PEPD: variants seen among roughly 807,000 people sequenced by gnomAD.
PEPD encodes the protein peptidase D.
PEPD carries 53 observed loss-of-function variants against 60.7 expected under a neutral mutation model. That is an observed-to-expected ratio of 0.87 (90% confidence interval 0.70 to 1.10). The LOEUF (loss-of-function observed/expected upper bound fraction) is 1.10. Among genes scored for constraint, PEPD ranks in the 50% least tolerant of loss-of-function variants. The pLI, the probability that PEPD is intolerant of heterozygous loss-of-function variation, is 0.00. For synonymous variants in PEPD, 267 were observed against 284.1 expected (o/e 0.94, Z 0.60); for missense variants, 711 against 711.9 (o/e 1.00, Z 0.01).
At chr19:33,454,542 C>T (rs1257861720) in intron 9 of PEPD, among the ~76,000 whole-genome samples, 3 of 151,232 alleles carry the variant, frequency 2.0e-5, no homozygotes, top group Admixed American at 6.6e-5. Context: ...GTGGAGGTCG[C>T]AGTGAGCCGA....
intron 13 of PEPD, among the ~76,000 whole-genome samples, chr19:33,389,566 C>T (rs1240004061): frequency 6.6e-6 from 1 of 152,228 alleles, no homozygotes; most frequent in Non-Finnish European, 1.5e-5. Context: ...TGTCTCCACC[C>T]ACAGCAATCG....
At chr19:33,478,213 A>G (rs1357820845) in intron 6 of PEPD, 123 bp from the exon 7 acceptor site, 5 of 741,914 alleles carry the variant, frequency 6.7e-6, no homozygotes. Context: ...TAATTTCATG[A>G]CTTCCTGACC....
chr19:33,501,371 C>T (rs1970710659), intron 3 of PEPD, among the ~76,000 whole-genome samples: 1 of 152,146 alleles, frequency 6.6e-6, no homozygotes, highest in African/African-American at 2.4e-5. Flanking sequence ...AATCTGCCTG[C>T]CAGGTCTTCA....
intron 1 of PEPD, among the ~76,000 whole-genome samples, chr19:33,520,537 G>C (rs1331731293): frequency 6.6e-6 from 1 of 152,198 alleles, no homozygotes; most frequent in East Asian, 1.9e-4. Flanking sequence ...GTGTCCATCT[G>C]TTCCAGTGGC....
intron 9 of PEPD, among the ~76,000 whole-genome samples, chr19:33,437,058 G>A (rs933651931): frequency 2.0e-5 from 3 of 152,186 alleles, no homozygotes; most frequent in Admixed American, 2.0e-4. Context: ...AGGCAGAGCA[G>A]CCAGTGCTCC....
chr19:33,424,807 T>C (rs1969105835), intron 9 of PEPD, among the ~76,000 whole-genome samples: 1 of 152,026 alleles, frequency 6.6e-6, no homozygotes. Flanking sequence ...AAGGAGCAAG[T>C]CACATCTTAC....
intron 12 of PEPD, among the ~76,000 whole-genome samples, chr19:33,395,438 G>A (rs938380467): frequency 6.6e-6 from 1 of 152,172 alleles, no homozygotes; most frequent in Non-Finnish European, 1.5e-5. Context: ...TGTGTACTCA[G>A]ACCCTAGAAC....
At chr19:33,461,701 C>T (rs1969928822) in intron 9 of PEPD, among the ~76,000 whole-genome samples, 1 of 152,232 alleles carries the variant, frequency 6.6e-6, no homozygotes, top group Admixed American at 6.5e-5. Flanking sequence ...GGAGGAGCCC[C>T]ACAACACACT....
At chr19:33,417,954 T>C (rs1001773047) in intron 9 of PEPD, among the ~76,000 whole-genome samples, 3 of 152,190 alleles carry the variant, frequency 2.0e-5, no homozygotes, top group Non-Finnish European at 4.4e-5. Context: ...CGCGGAGGTG[T>C]GTCCTCTGCA....
chr19:33,453,293 A>G (rs535687816), intron 9 of PEPD, among the ~76,000 whole-genome samples: 1 of 136,730 alleles, frequency 7.3e-6, no homozygotes, highest in South Asian at 2.3e-4. Context: ...CAGCCTGGGC[A>G]GTAGAGCAAA....
intron 12 of PEPD, among the ~76,000 whole-genome samples, chr19:33,399,805 G>A (rs191184090): frequency 1.3e-3 from 200 of 152,182 alleles, no homozygotes; most frequent in African/African-American, 4.5e-3. Flanking sequence ...GGGCGCACTT[G>A]GCAGCTGCCA....
chr19:33,403,709 G>A (rs10415756), intron 11 of PEPD, among the ~76,000 whole-genome samples: 40,204 of 152,138 alleles, frequency 0.26, 5,751 homozygotes, highest in African/African-American at 0.34. Flanking sequence ...CGGCCAGGAC[G>A]CTTTGCTGAA....
intron 9 of PEPD, among the ~76,000 whole-genome samples, chr19:33,446,498 C>T (rs1421146135): frequency 6.6e-6 from 1 of 152,238 alleles, no homozygotes; most frequent in African/African-American, 2.4e-5. Context: ...GATCATGACA[C>T]TTGCCCAGCT....
At chr19:33,437,254 T>C (rs1339962390) in intron 9 of PEPD, among the ~76,000 whole-genome samples, 1 of 152,204 alleles carries the variant, frequency 6.6e-6, no homozygotes, top group Non-Finnish European at 1.5e-5. Context: ...AAGAGTCTTC[T>C]AAACGATAGT....
At chr19:33,486,809 TG>T in intron 6 of PEPD, 1 of 152,334 alleles carries the variant, frequency 6.6e-6, no homozygotes, top group Non-Finnish European at 1.5e-5. Flanking sequence ...GGTGGACAGG[TG>T]GGGACCACTG....
intron 12 of PEPD, among the ~76,000 whole-genome samples, chr19:33,398,178 T>C (rs923415001): frequency 7.2e-5 from 11 of 152,244 alleles, no homozygotes; most frequent in African/African-American, 2.7e-4. Flanking sequence ...GGCACCCTGA[T>C]GGGCCCGGCA....
In PEPD at chr19:33,434,204, G is replaced by A. The variant is rs149084343; in HGVS notation, c.672-20561C>T. On this transcript the variant is annotated intron_variant, in intron 9 of 14. Transcript: ENST00000244137. ...AACAATCTGCTCGTTTTCACTGCCC[G>A]ACAGTTCTCCCTGTATGGACACCCA... Among the ~76,000 whole-genome samples, 404 of 152,144 alleles carry A rather than the reference G, an allele frequency of 2.7e-3. 1 individual carries two copies. Among genetic ancestry groups the A allele is most frequent in the African/African-American group, 9.3e-3 (385 of 41,492 alleles).
chr19:33,521,572 T>C (rs1449828286), intron 1 of PEPD, among the ~76,000 whole-genome samples, 172 bp downstream of exon 1: 1 of 152,228 alleles, frequency 6.6e-6, no homozygotes, highest in African/African-American at 2.4e-5. Flanking sequence ...GCGCTGACCC[T>C]GACTCGGAGC....
intron 9 of PEPD, among the ~76,000 whole-genome samples, chr19:33,423,560 T>G (rs1473904763): frequency 2.0e-5 from 3 of 152,250 alleles, no homozygotes; most frequent in African/African-American, 7.2e-5. Flanking sequence ...AACACAAAAG[T>G]ATTTCACTGT....
Sources: gnomAD v4.1 joint callset for allele counts (sites outside exome capture counted in the v4.1 genomes callset) on GRCh38, gnomAD v4.1.1 for gene constraint, MANE v1.5 for transcripts, NCBI Gene and HGNC (gene_info 2026-07-23, HGNC 2026-07-21) for gene names.